Variants in DDX27 observed in about 807,000 individuals in gnomAD.
DDX27 encodes the protein DEAD-box helicase 27.
Under a neutral mutation model 99.3 loss-of-function variants are expected in DDX27, and 42 were observed. The ratio of observed to expected loss-of-function variants is 0.42; its 90% CI spans 0.33 to 0.55. The LOEUF (loss-of-function observed/expected upper bound fraction) is 0.55. Among genes scored for constraint, DDX27 ranks in the 20% least tolerant of loss-of-function variants. DDX27 has a pLI of 0.07. For missense variants in DDX27, 798 were observed against 976.8 expected (o/e 0.82, Z 2.44); for synonymous variants, 329 against 353.8 (o/e 0.93, Z 0.79).
chr20:49,220,401 ACTTCAT>A lies in DDX27; in HGVS notation c.93+869_93+874del, dbSNP rs1339206761. Among the ~76,000 whole-genome samples the A allele has an allele frequency of 4.6e-5, 7 of 152,012 alleles. No individual in the cohort carries two copies. In the South Asian group the frequency reaches 8.3e-4, roughly 18 times the overall value. Reference sequence around the variant, plus strand: ...ACCAGCACACCTGCAGTCCAAACATACTTCATCTTCATCTCTTTATCTTGAGCACTT... The same window carrying A: ...ACCAGCACACCTGCAGTCCAAACATACTTCATCTCTTTATCTTGAGCACTT... On this transcript the variant is annotated intron_variant, in intron 1 of 20. Coordinates refer to ENST00000618172, the MANE Select transcript of DDX27 (RefSeq NM_017895.8).
At chr20:49,234,719 G>C in intron 11 of DDX27, 1 of 468,664 alleles carries the variant, frequency 2.1e-6, no homozygotes, top group Middle Eastern at 5.7e-4. Flanking sequence ...GCCCTTAGCT[G>C]CTTCCCCCTC....
At chr20:49,229,440 T>G (rs572819261) in intron 8 of DDX27, among the ~76,000 whole-genome samples, 1 of 152,248 alleles carries the variant, frequency 6.6e-6, no homozygotes, top group South Asian at 2.1e-4. Context: ...TGAACAAATT[T>G]GGGGTATAAT....
rs1980320788 is a variant in DDX27, at chr20:49,236,678, T to C, written c.1687+168T>C. ...CAGGTTTCACCTCACCTCTCTGAGCTTGCCTCCTGTGTGTAGAAGGGAATT... is the reference window on the plus strand; with the variant it reads ...CAGGTTTCACCTCACCTCTCTGAGCCTGCCTCCTGTGTGTAGAAGGGAATT... On this transcript the variant is annotated intron_variant, in intron 14 of 20. Coordinates refer to ENST00000618172, the MANE Select transcript of DDX27 (RefSeq NM_017895.8). This position sits in a 1 kb window ranked among gnomAD's most constrained non-coding sequence, Gnocchi z 4.1. Among the ~76,000 whole-genome samples the C allele has an allele frequency of 6.6e-6, 1 of 152,180 alleles. No individual in the cohort carries two copies. Among genetic ancestry groups the C allele is most frequent in the Non-Finnish European group, 1.5e-5 (1 of 68,032 alleles).
chr20:49,233,866 T>A, intron 11 of DDX27, 157 bp downstream of exon 11: 1 of 748,266 alleles, frequency 1.3e-6, no homozygotes, highest in Non-Finnish European at 2.1e-6. Context: ...CTGCCTCTCT[T>A]CTCCACGGGT....
Position 49,224,999 on chromosome 20 carries a change from T to C in DDX27, c.513+8T>C, listed in dbSNP as rs1266715203. Reference sequence around the variant, plus strand: ...AAGAAGAAGAAAGGACAGGTGAGCTTGGGGCTGCAAGACAGTATGCAGCTT... The same window carrying C: ...AAGAAGAAGAAAGGACAGGTGAGCTCGGGGCTGCAAGACAGTATGCAGCTT... On this transcript the variant is annotated splice_region_variant and intron_variant, in intron 5 of 20. Coordinates refer to ENST00000618172, the MANE Select transcript of DDX27 (RefSeq NM_017895.8). The C allele has an allele frequency of 5.0e-6, 8 of 1,614,030 alleles. No homozygotes were observed. In the East Asian group the frequency reaches 1.8e-4, roughly 36 times the overall value.
rs1277770744 is a variant in DDX27, at chr20:49,221,127, A to G, written c.94-325A>G. ...CAGGCATGCGCCACCACGCCCGGCT[A>G]ATTTTTGTATTTTTAGTAGAGACAG... On this transcript the variant is annotated intron_variant, in intron 1 of 20. Transcript: ENST00000618172. Among the ~76,000 whole-genome samples, 3 of 151,878 alleles carry G rather than the reference A, an allele frequency of 2.0e-5. No homozygotes were observed. In the East Asian group the frequency reaches 5.8e-4, roughly 29 times the overall value.
At chr20:49,229,143 T>G (rs1479081179) in intron 8 of DDX27, among the ~76,000 whole-genome samples, 1 of 150,972 alleles carries the variant, frequency 6.6e-6, no homozygotes, top group Non-Finnish European at 1.5e-5. Context: ...GTTCACGCCA[T>G]TCTCCTGCCT....
intron 1 of DDX27, among the ~76,000 whole-genome samples, chr20:49,221,021 G>A (rs956154568): frequency 7.2e-5 from 11 of 152,068 alleles, no homozygotes; most frequent in African/African-American, 2.7e-4. Context: ...GAGTGCAGTG[G>A]CGCGATCTCG....
At chr20:49,241,767 C>A in intron 16 of DDX27, 126 bp from the exon 17 acceptor site, 4 of 1,072,230 alleles carry the variant, frequency 3.7e-6, no homozygotes, top group South Asian at 2.8e-5. Flanking sequence ...CTGCACTCGG[C>A]CAAGAAGTGC....
chr20:49,243,974 G>A lies in DDX27; in HGVS notation c.*140G>A, dbSNP rs917277203. 2.1e-6 allele frequency: 2 copies of A among 937,628 alleles called. No individual in the cohort carries two copies. Among genetic ancestry groups the A allele is most frequent in the Admixed American group, 2.7e-5 (1 of 37,390 alleles). 58.1% of individuals were successfully genotyped at this position (937,628 alleles called of 1,614,324 possible). A position where few individuals can be genotyped will look rare whatever the true frequency, so the allele number is the denominator to read the frequency against. On this transcript the variant is annotated 3_prime_UTR_variant, in exon 21 of 21. Coordinates refer to ENST00000618172, the MANE Select transcript of DDX27 (RefSeq NM_017895.8). Reference sequence around the variant, plus strand: ...AACAACACTTTGGTGTGGTGGTATGGTACGTAGCTATTTTCCTAAGCATGT... The same window carrying A: ...AACAACACTTTGGTGTGGTGGTATGATACGTAGCTATTTTCCTAAGCATGT...
intron 19 of DDX27, among the ~76,000 whole-genome samples, chr20:49,243,415 A>G (rs1980546527): frequency 6.6e-6 from 1 of 152,200 alleles, no homozygotes; most frequent in Non-Finnish European, 1.5e-5. Context: ...TATATACCTA[A>G]GAAGGGCCTC....
chr20:49,225,453 CTTTTTTTTTT>C (rs772387461), intron 6 of DDX27, among the ~76,000 whole-genome samples: 3 of 107,268 alleles, frequency 2.8e-5, no homozygotes, highest in East Asian at 2.7e-4. Context: ...AGAGAACTCC[CTTTTTTTTTT>C]TTTTTTTTTT....
chr20:49,243,045 A>C (rs535316059), intron 19 of DDX27, among the ~76,000 whole-genome samples: 1 of 152,090 alleles, frequency 6.6e-6, no homozygotes, highest in Non-Finnish European at 1.5e-5. Flanking sequence ...AATGGAAGCT[A>C]TGAGTCTTCT....
intron 1 of DDX27, among the ~76,000 whole-genome samples, chr20:49,221,030 C>T (rs9753613): frequency 2.0e-5 from 3 of 152,112 alleles, no homozygotes; most frequent in South Asian, 2.1e-4. Context: ...GGCGCGATCT[C>T]GGCTCACCGC....
chr20:49,243,497 A>G, intron 19 of DDX27, 132 bp from the exon 20 acceptor site: 1 of 772,616 alleles, frequency 1.3e-6, no homozygotes, highest in Non-Finnish European at 2.2e-6. Context: ...ATAAAGGCTT[A>G]GAACTTAGGG....
chr20:49,243,779 C>T (rs1980559679), intron 20 of DDX27, 37 bp from the exon 21 acceptor site: 11 of 1,614,002 alleles, frequency 6.8e-6, no homozygotes, highest in Non-Finnish European at 9.3e-6. Flanking sequence ...GAAGCTTCTC[C>T]ATCCTCATTC....
At chr20:49,233,005 C>A (rs1331042761) in intron 9 of DDX27, among the ~76,000 whole-genome samples, 1 of 151,592 alleles carries the variant, frequency 6.6e-6, no homozygotes, top group African/African-American at 2.4e-5. Flanking sequence ...GATATTCACG[C>A]ACTTGAAAGT....
At chr20:49,240,844 A>G (rs1410707865) in intron 16 of DDX27, among the ~76,000 whole-genome samples, 1 of 151,996 alleles carries the variant, frequency 6.6e-6, no homozygotes, top group African/African-American at 2.4e-5. Context: ...GCAAAACCCC[A>G]TCTCTACTAA....
chr20:49,228,016 T>A (rs561133908), intron 7 of DDX27, among the ~76,000 whole-genome samples: 1 of 151,886 alleles, frequency 6.6e-6, no homozygotes, highest in Non-Finnish European at 1.5e-5. Context: ...AATTTTTGTA[T>A]TTTTAGTAGA....
Sources: allele counts gnomAD v4.1 joint callset (sites outside exome capture counted in the v4.1 genomes callset), GRCh38; gene constraint gnomAD v4.1.1; non-coding constraint Gnocchi (gnomAD v3.1); transcripts MANE v1.5; gene names NCBI Gene and HGNC (gene_info 2026-07-23, HGNC 2026-07-21).